The following LRRTM4 variants were observed in gnomAD, a reference collection of about 807,000 sequenced individuals.
The protein encoded by LRRTM4 is leucine-rich repeat transmembrane neuronal protein 4.
Under a neutral mutation model 47.6 loss-of-function variants are expected in LRRTM4, and 25 were observed. The observed-to-expected ratio is 0.53, with a 90% CI of 0.38 to 0.73. The LOEUF is 0.73. Among genes scored for constraint, LRRTM4 ranks in the 30% least tolerant of loss-of-function variants. The pLI is 0.00. For missense variants in LRRTM4, 638 were observed against 713.4 expected, an observed-to-expected ratio of 0.89 and a Z score of 1.20; for synonymous variants, 311 against 269.5, an observed-to-expected ratio of 1.15 and a Z score of -1.51.
intron 3 of LRRTM4, among the ~76,000 whole-genome samples, chr2:77,163,941 T>A (rs1304856496): frequency 6.6e-6 from 1 of 152,126 alleles, no homozygotes; most frequent in African/African-American, 2.4e-5. Context: ...AATGATAGGA[T>A]CAAATTCACA....
At chr2:76,810,579 T>A in intron 3 of LRRTM4, among the ~76,000 whole-genome samples, 1 of 152,240 alleles carries the variant, frequency 6.6e-6, no homozygotes, top group Admixed American at 6.5e-5. Flanking sequence ...GGTTAATGAA[T>A]AAACAAAAAA....
At chr2:76,814,368 A>G (rs751010676) in intron 3 of LRRTM4, among the ~76,000 whole-genome samples, 1 of 151,238 alleles carries the variant, frequency 6.6e-6, no homozygotes, top group Non-Finnish European at 1.5e-5. Flanking sequence ...AGCTAAGGTT[A>G]ATTTATTATT....
intron 3 of LRRTM4, among the ~76,000 whole-genome samples, chr2:77,308,660 C>T (rs1183513770): frequency 6.6e-6 from 1 of 152,220 alleles, no homozygotes; most frequent in South Asian, 2.1e-4. Flanking sequence ...TTTCTTCTAT[C>T]ATTCCCACTT....
intron 3 of LRRTM4, among the ~76,000 whole-genome samples, chr2:76,751,049 G>T (rs903743453): frequency 1.3e-5 from 2 of 152,162 alleles, no homozygotes; most frequent in Admixed American, 1.3e-4. Flanking sequence ...TTATGTATGT[G>T]CATATCAATG....
At chr2:76,814,608 A>C (rs1225498454) in intron 3 of LRRTM4, among the ~76,000 whole-genome samples, 1 of 152,130 alleles carries the variant, frequency 6.6e-6, no homozygotes, top group African/African-American at 2.4e-5. Context: ...AGGTATTATA[A>C]GTAATTGGAG....
At chr2:77,082,662 T>C (rs1444594044) in intron 3 of LRRTM4, among the ~76,000 whole-genome samples, 2 of 149,576 alleles carry the variant, frequency 1.3e-5, no homozygotes, top group African/African-American at 2.5e-5. Context: ...TGAATTTATC[T>C]CGCTAGTTAA....
intron 3 of LRRTM4, among the ~76,000 whole-genome samples, chr2:77,485,897 A>ATTT (rs70956636): frequency 0.054 from 7,934 of 148,146 alleles, 259 homozygotes; most frequent in Middle Eastern, 0.1. Context: ...CAGTCGGCTA[A>ATTT]TTTTTTTTTT....
chr2:76,796,158 A>T (rs1271979248), intron 3 of LRRTM4, among the ~76,000 whole-genome samples: 1 of 144,316 alleles, frequency 6.9e-6, no homozygotes, highest in Non-Finnish European at 1.5e-5. Flanking sequence ...CATGGCTCGC[A>T]GGGTCCTACG....
At chr2:76,853,038 T>C (rs1161508433) in intron 3 of LRRTM4, among the ~76,000 whole-genome samples, 1 of 152,148 alleles carries the variant, frequency 6.6e-6, no homozygotes, top group Non-Finnish European at 1.5e-5. Context: ...TATAGAGAGA[T>C]GAGACTGACT....
chr2:76,954,738 G>A (rs190869780), intron 3 of LRRTM4, among the ~76,000 whole-genome samples: 2 of 151,760 alleles, frequency 1.3e-5, no homozygotes, highest in South Asian at 2.1e-4. Context: ...GCTGATATAC[G>A]CGATAATAAA....
intron 3 of LRRTM4, among the ~76,000 whole-genome samples, chr2:77,303,249 G>A (rs1352739717): frequency 6.6e-6 from 1 of 151,428 alleles, no homozygotes; most frequent in Non-Finnish European, 1.5e-5. Flanking sequence ...CAACAAGAGC[G>A]AAACTCCATC....
chr2:76,758,691 A>G (rs1030167684), intron 3 of LRRTM4, among the ~76,000 whole-genome samples: 2 of 152,198 alleles, frequency 1.3e-5, no homozygotes, highest in African/African-American at 4.8e-5. Flanking sequence ...GATCCCTGCC[A>G]TAGAGTGTAT....
chr2:77,028,016 C>A (rs6718440), intron 3 of LRRTM4, among the ~76,000 whole-genome samples: 78,523 of 151,198 alleles, frequency 0.52, 21,443 homozygotes, highest in African/African-American at 0.68. Flanking sequence ...TAATTTAAAA[C>A]TATGAAAAAC....
At chr2:77,514,679 T>C (rs1000441851) in intron 3 of LRRTM4, among the ~76,000 whole-genome samples, 6 of 151,998 alleles carry the variant, frequency 3.9e-5, no homozygotes, top group Admixed American at 3.3e-4. Context: ...GGAGAGTCTC[T>C]TTAGAGACTA....
intron 3 of LRRTM4, among the ~76,000 whole-genome samples, chr2:77,473,223 G>C (rs1453773031): frequency 6.6e-6 from 1 of 152,032 alleles, no homozygotes; most frequent in Non-Finnish European, 1.5e-5. Flanking sequence ...AATTTGTAAA[G>C]GGCTAAATGT....
intron 3 of LRRTM4, among the ~76,000 whole-genome samples, chr2:77,316,023 G>T (rs1484356276): frequency 6.6e-6 from 1 of 152,108 alleles, no homozygotes; most frequent in African/African-American, 2.4e-5. Context: ...ACTGGAACAG[G>T]GAATCTAAAT....
chr2:77,095,460 A>G (rs1670780528), intron 3 of LRRTM4, among the ~76,000 whole-genome samples: 1 of 151,982 alleles, frequency 6.6e-6, no homozygotes, highest in Admixed American at 6.6e-5. Context: ...TCCCATGTTC[A>G]TGGTAACATT....
chr2:77,294,648 C>G (rs1009608529), intron 3 of LRRTM4, among the ~76,000 whole-genome samples: 1 of 152,112 alleles, frequency 6.6e-6, no homozygotes, highest in African/African-American at 2.4e-5. Flanking sequence ...TAATAAGACT[C>G]AAGTGTGACC....
intron 3 of LRRTM4, among the ~76,000 whole-genome samples, chr2:77,031,579 C>A (rs2104140444): frequency 6.6e-6 from 1 of 151,894 alleles, no homozygotes; most frequent in South Asian, 2.1e-4. Context: ...TTAGAGAGTC[C>A]CAAGGTTTAT....
Sources: allele counts gnomAD v4.1 joint callset (sites outside exome capture counted in the v4.1 genomes callset), GRCh38; gene constraint gnomAD v4.1.1; transcripts MANE v1.5; gene names NCBI Gene and HGNC (gene_info 2026-07-23, HGNC 2026-07-21).